Variants in CDC42EP4 observed in about 807,000 individuals in gnomAD.
CDC42EP4 encodes CDC42 effector protein (Rho GTPase binding) 4.
CDC42EP4 carries 6 observed loss-of-function variants against 5.6 expected under a neutral mutation model. The observed-to-expected ratio is 1.07, with a 90% CI of 0.59 to 2.12. The LOEUF (loss-of-function observed/expected upper bound fraction) is 2.12. Among genes scored for constraint, CDC42EP4 ranks in the 30% most tolerant of loss-of-function variants. The pLI is 0.00. For synonymous variants in CDC42EP4, 230 were observed against 224.2 expected (o/e 1.03, Z -0.23); for missense variants, 490 against 508.6 (o/e 0.96, Z 0.35).
intron 1 of CDC42EP4, among the ~76,000 whole-genome samples, chr17:73,308,685 G>A (rs1374526942): frequency 6.6e-6 from 1 of 152,114 alleles, no homozygotes; most frequent in Non-Finnish European, 1.5e-5. Context: ...AGGGGTGGAA[G>A]CCCTGGGCCA....
chr17:73,298,942 C>G (rs1168612091), intron 1 of CDC42EP4, among the ~76,000 whole-genome samples: 1 of 151,894 alleles, frequency 6.6e-6, no homozygotes, highest in Admixed American at 6.6e-5. Context: ...AATTATTTTA[C>G]TCACTCTCAC....
rs147704004 is a variant in CDC42EP4, at chr17:73,285,437, C to G, written c.1064G>C (p.Arg355Pro). ...FMDEEEEDEI[R>P]V ...GGCCACCCACTGTCCGCCTCACACACGGATTTCATCCTCCTCCTCCTCATC... is the reference window on the plus strand; with the variant it reads ...GGCCACCCACTGTCCGCCTCACACAGGGATTTCATCCTCCTCCTCCTCATC... Residue 355 changes from arginine (R) to proline (P), a missense_variant, in exon 2 of 2, where the codon CGT (arginine) becomes CCT (proline). Coordinates refer to ENST00000335793, the MANE Select transcript of CDC42EP4 (RefSeq NM_012121.5). The surrounding 1 kb of genome is among the most constrained non-coding windows in gnomAD (Gnocchi z 6.8). 1.3e-6 allele frequency: 2 copies of G among 1,548,778 alleles called. No individual in the cohort carries two copies. Among genetic ancestry groups the G allele is most frequent in the Admixed American group, 1.9e-5 (1 of 52,550 alleles).
At chr17:73,300,016 C>T (rs895381062) in intron 1 of CDC42EP4, among the ~76,000 whole-genome samples, 14 of 152,190 alleles carry the variant, frequency 9.2e-5, no homozygotes, top group African/African-American at 3.1e-4. Context: ...CAAGGCCTCA[C>T]TTCTAGTGTG....
At chr17:73,310,521 G>A (rs2062267862) in intron 1 of CDC42EP4, among the ~76,000 whole-genome samples, 1 of 152,112 alleles carries the variant, frequency 6.6e-6, no homozygotes, top group Non-Finnish European at 1.5e-5. Flanking sequence ...TGGGCAAACA[G>A]TGGGCACCGG....
Position 73,286,161 on chromosome 17 carries a change from T to C in CDC42EP4, c.340A>G (p.Lys114Glu). 1 of 1,614,100 alleles carries C rather than the reference T, an allele frequency of 6.2e-7. No individual in the cohort carries two copies. Among genetic ancestry groups the C allele is most frequent in the Non-Finnish European group, 8.5e-7 (1 of 1,180,032 alleles). Residue 114 changes from lysine to glutamate, a missense_variant, in exon 2 of 2, where the codon AAG (lysine) becomes GAG (glutamate). Transcript: ENST00000335793. The surrounding 1 kb of genome is among the most constrained non-coding windows in gnomAD (Gnocchi z 7.7). ...AGCTGGGGCAGGGACATGGCATTCT[T>C]GACAAACAGGGCCGAGTCCCGCAGG... ...GSLRDSALFVKNAMSLPQLNE... is the reference protein window; with the variant it reads ...GSLRDSALFVENAMSLPQLNE...
intron 1 of CDC42EP4, among the ~76,000 whole-genome samples, chr17:73,305,671 C>G (rs2062241331): frequency 6.6e-6 from 1 of 152,192 alleles, no homozygotes; most frequent in South Asian, 2.1e-4. Flanking sequence ...GCTCTCAGAA[C>G]AATTGATAAC....
intron 1 of CDC42EP4, among the ~76,000 whole-genome samples, chr17:73,302,766 G>C (rs912620793): frequency 1.7e-4 from 26 of 152,190 alleles, no homozygotes; most frequent in African/African-American, 6.3e-4. Context: ...CAATTGGCCG[G>C]GCGCGGTGGC....
intron 1 of CDC42EP4, among the ~76,000 whole-genome samples, chr17:73,310,674 C>T (rs978243993): frequency 6.6e-6 from 1 of 151,860 alleles, no homozygotes; most frequent in Non-Finnish European, 1.5e-5. Flanking sequence ...ACTTCCAAAG[C>T]CGAGGCCGCA....
At chr17:73,308,104 C>A (rs999906103) in intron 1 of CDC42EP4, among the ~76,000 whole-genome samples, 1 of 152,154 alleles carries the variant, frequency 6.6e-6, no homozygotes, top group Middle Eastern at 3.2e-3. Flanking sequence ...GTGCCACATG[C>A]GGGCTCCTTC....
In CDC42EP4 at chr17:73,296,258, A is replaced by T. The variant is rs956469251; in HGVS notation, c.-112-9646T>A. The stretch of plus-strand genomic sequence containing the variant: ...AAAAAAAAAAATTAAAAAATACATA[A>T]AAAAATAAAATTAGCTGGGCCTGGT... On this transcript the variant is annotated intron_variant, in intron 1 of 1. Transcript: ENST00000335793. 1.3e-5 allele frequency among the ~76,000 whole-genome samples: 2 copies of T among 151,368 alleles called. 1 individual carries two copies. The highest frequency in any genetic ancestry group is 4.9e-5 in the African/African-American group (2 of 41,122).
rs1358563576 is a variant in CDC42EP4, at chr17:73,285,939, T to A, written c.562A>T (p.Thr188Ser). 5 of 1,613,822 alleles carry A rather than the reference T, an allele frequency of 3.1e-6. No homozygotes were observed. Among genetic ancestry groups the A allele is most frequent in the Non-Finnish European group, 4.2e-6 (5 of 1,180,008 alleles). The change falls in exon 2 of 2, where the codon ACA (threonine) becomes TCA (serine). Residue 188 changes from threonine (T) to serine (S), a missense_variant. Thr to Ser is a moderately conservative substitution (Grantham distance 58). Transcript: ENST00000335793. This position sits in a 1 kb window ranked among gnomAD's most constrained non-coding sequence, Gnocchi z 6.8. ...LLDEQAFGDL[T>S]DLPVVPKATY... is the part of the protein sequence containing the mutation. ...GCCTTGGGCACGACAGGCAGATCTG[T>A]CAGATCCCCAAAGGCCTGCTCATCG...
chr17:73,285,543 C>T lies in CDC42EP4; in HGVS notation c.958G>A (p.Glu320Lys), dbSNP rs753831437. The T allele has an allele frequency of 3.7e-6, 6 of 1,612,072 alleles. No individual in the cohort carries two copies. The highest frequency in any genetic ancestry group is 5.1e-6 in the Non-Finnish European group (6 of 1,179,574). The change falls in exon 2 of 2, where the codon GAG (glutamate) becomes AAG (lysine). Residue 320 changes from glutamate (E) to lysine (K), a missense_variant. Transcript: ENST00000335793. This position sits in a 1 kb window ranked among gnomAD's most constrained non-coding sequence, Gnocchi z 6.8. ...LSSCTSGILE[E>K]RSPAFRGPDR... ...GGCCCCCGGAAGGCAGGGCTGCGCT[C>T]CTCCAGGATGCCTGAGGTGCAGCTG...
intron 1 of CDC42EP4, among the ~76,000 whole-genome samples, chr17:73,292,405 C>T (rs888112471): frequency 2.0e-5 from 3 of 152,016 alleles, no homozygotes; most frequent in Non-Finnish European, 4.4e-5. Flanking sequence ...TGACTTCCTG[C>T]AGACCCACTG....
At chr17:73,294,460 AATACCTGGGT>A (rs1439279179) in intron 1 of CDC42EP4, among the ~76,000 whole-genome samples, 1 of 152,156 alleles carries the variant, frequency 6.6e-6, no homozygotes, top group Non-Finnish European at 1.5e-5. Flanking sequence ...ATCTCCTTAA[AATACCTGGGT>A]GTGGAGGGAT....
intron 1 of CDC42EP4, among the ~76,000 whole-genome samples, chr17:73,299,471 ACACACACAT>A (rs2062207379): frequency 6.8e-6 from 1 of 147,572 alleles, no homozygotes; most frequent in Non-Finnish European, 1.5e-5. Context: ...ACACACACAC[ACACACACAT>A]TTTTAGTAGA....
At chr17:73,298,295 T>C (rs1176029742) in intron 1 of CDC42EP4, among the ~76,000 whole-genome samples, 2 of 152,204 alleles carry the variant, frequency 1.3e-5, no homozygotes, top group African/African-American at 4.8e-5. Flanking sequence ...TTTATTAACC[T>C]GACATCAGGG....
At chr17:73,299,801 C>T (rs2062209388) in intron 1 of CDC42EP4, among the ~76,000 whole-genome samples, 1 of 152,122 alleles carries the variant, frequency 6.6e-6, no homozygotes, top group African/African-American at 2.4e-5. Flanking sequence ...ACTCACATTA[C>T]TGCCTCCCCC....
intron 1 of CDC42EP4, among the ~76,000 whole-genome samples, chr17:73,291,764 C>A (rs1298462903): frequency 6.6e-6 from 1 of 152,158 alleles, no homozygotes; most frequent in Non-Finnish European, 1.5e-5. Flanking sequence ...CAGCTCACAG[C>A]CCTCCCTAGC....
At chr17:73,296,447 A>C (rs1037578684) in intron 1 of CDC42EP4, among the ~76,000 whole-genome samples, 4 of 151,416 alleles carry the variant, frequency 2.6e-5, no homozygotes, top group African/African-American at 7.3e-5. Context: ...GACTGGAGAC[A>C]GACAGCCTAA....
Sources: allele counts gnomAD v4.1 joint callset (sites outside exome capture counted in the v4.1 genomes callset), GRCh38; gene constraint gnomAD v4.1.1; non-coding constraint Gnocchi (gnomAD v3.1); transcripts MANE v1.5; gene names NCBI Gene and HGNC (gene_info 2026-07-23, HGNC 2026-07-21).